The following ZNF407 variants were observed in gnomAD, a reference collection of about 807,000 sequenced individuals.
ZNF407 encodes the protein zinc finger protein 407.
A neutral mutation model predicts 131.2 loss-of-function variants in ZNF407; 17 were observed. The observed-to-expected ratio is 0.13, with a 90% CI of 0.09 to 0.19. The LOEUF (loss-of-function observed/expected upper bound fraction) is 0.19, where lower values mean the gene tolerates loss of function less well. Ranked by LOEUF, ZNF407 falls within the 10% of genes least tolerant of loss-of-function variation. The pLI, the probability that ZNF407 is intolerant of heterozygous loss-of-function variation, is 1.00. For synonymous variants in ZNF407, 1,156 were observed against 1,062.0 expected, an observed-to-expected ratio of 1.09 and a Z score of -1.72; for missense variants, 2,681 against 2,830.6, an observed-to-expected ratio of 0.95 and a Z score of 1.20.
chr18:74,964,580 G>GTTTTTTT (rs35373107), intron 8 of ZNF407, among the ~76,000 whole-genome samples: 1 of 118,614 alleles, frequency 8.4e-6, no homozygotes, highest in Non-Finnish European at 1.8e-5. Flanking sequence ...TATCATCCGG[G>GTTTTTTT]TTTTTTTTTT....
chr18:74,887,764 A>G (rs1366377114), intron 6 of ZNF407, among the ~76,000 whole-genome samples: 1 of 152,104 alleles, frequency 6.6e-6, no homozygotes, highest in African/African-American at 2.4e-5. Flanking sequence ...AATCCTCACA[A>G]TCACCCTGCA....
chr18:75,060,507 C>CTA (rs1973615337), intron 8 of ZNF407, among the ~76,000 whole-genome samples: 1 of 124,464 alleles, frequency 8.0e-6, no homozygotes. Context: ...TTCTTTTTTT[C>CTA]TTTTTTTTTT....
chr18:74,754,806 TGAG>T (rs748571108), intron 3 of ZNF407, among the ~76,000 whole-genome samples: 17 of 152,362 alleles, frequency 1.1e-4, no homozygotes, highest in Non-Finnish European at 2.1e-4. Context: ...GATGTGATGC[TGAG>T]AAGAATGTAT....
chr18:75,023,217 C>T (rs1320550221), intron 8 of ZNF407, among the ~76,000 whole-genome samples: 2 of 152,130 alleles, frequency 1.3e-5, no homozygotes, highest in African/African-American at 4.8e-5. Context: ...ATAGCTACTA[C>T]ATACTGGGCT....
intron 8 of ZNF407, among the ~76,000 whole-genome samples, chr18:75,006,926 A>T (rs1484423689): frequency 6.6e-6 from 1 of 152,050 alleles, no homozygotes; most frequent in Non-Finnish European, 1.5e-5. Context: ...CTTTTTATCA[A>T]TATGAAGTGA....
At chr18:74,649,508 C>A (rs1422218863) in intron 3 of ZNF407, among the ~76,000 whole-genome samples, 2 of 152,172 alleles carry the variant, frequency 1.3e-5, no homozygotes, top group Non-Finnish European at 2.9e-5. Flanking sequence ...TTGTGCTAGT[C>A]TGAAAAATTG....
rs150240927 is a variant in ZNF407, at chr18:74,797,480, A to C, written c.4877+15978A>C. 2.7e-3 allele frequency among the ~76,000 whole-genome samples: 407 copies of C among 152,356 alleles called. 4 individuals are homozygous for C. The highest frequency in any genetic ancestry group is 9.2e-3 in the African/African-American group (384 of 41,588). On this transcript the variant is annotated intron_variant, in intron 4 of 8. Coordinates refer to ENST00000299687, the MANE Select transcript of ZNF407 (RefSeq NM_017757.3). ...AGATGACAGGCTGTCGACAGAGAGA[A>C]TGAAACTGAATCTGAAAATCTTATA...
intron 8 of ZNF407, among the ~76,000 whole-genome samples, chr18:74,966,851 G>A (rs547833159): frequency 5.3e-5 from 8 of 152,116 alleles, no homozygotes. Context: ...GTGTCTTAAA[G>A]TATTCATTAT....
At chr18:74,968,272 G>A (rs1172389154) in intron 8 of ZNF407, among the ~76,000 whole-genome samples, 2 of 152,078 alleles carry the variant, frequency 1.3e-5, no homozygotes, top group African/African-American at 4.8e-5. Flanking sequence ...TCCATTTAGG[G>A]ACCTTAACTT....
intron 3 of ZNF407, among the ~76,000 whole-genome samples, chr18:74,645,902 G>A (rs1402291564): frequency 6.6e-6 from 1 of 152,114 alleles, no homozygotes; most frequent in Non-Finnish European, 1.5e-5. Flanking sequence ...ACGTGCATTA[G>A]CAACTTCATT....
chr18:74,708,249 A>G (rs540674818), intron 3 of ZNF407, among the ~76,000 whole-genome samples: 12 of 152,346 alleles, frequency 7.9e-5, no homozygotes, highest in African/African-American at 2.4e-4. Context: ...TTAAATTTAT[A>G]TGCCAACAAA....
chr18:74,947,221 C>G (rs1343780723), intron 8 of ZNF407, among the ~76,000 whole-genome samples: 1 of 152,118 alleles, frequency 6.6e-6, no homozygotes, highest in African/African-American at 2.4e-5. Flanking sequence ...TAACAAGGCT[C>G]TTTTATGTAG....
chr18:74,673,589 T>C (rs981910167), intron 3 of ZNF407, among the ~76,000 whole-genome samples: 1 of 152,220 alleles, frequency 6.6e-6, no homozygotes, highest in African/African-American at 2.4e-5. Context: ...GATACTGTGA[T>C]GTGGACATCT....
intron 8 of ZNF407, among the ~76,000 whole-genome samples, chr18:74,975,953 G>T (rs895632528): frequency 5.3e-5 from 8 of 152,112 alleles, no homozygotes; most frequent in Non-Finnish European, 8.8e-5. Context: ...CCAATTTATT[G>T]TCTCTCGTTC....
intron 3 of ZNF407, among the ~76,000 whole-genome samples, chr18:74,673,003 A>G (rs772962844): frequency 1.3e-5 from 2 of 152,148 alleles, no homozygotes; most frequent in Non-Finnish European, 2.9e-5. Flanking sequence ...TTCTGCATGC[A>G]TTGGAAGAGA....
chr18:74,955,497 C>T (rs1449062359), intron 8 of ZNF407, among the ~76,000 whole-genome samples: 2 of 152,136 alleles, frequency 1.3e-5, no homozygotes, highest in African/African-American at 4.8e-5. Context: ...TGGCGCTGGG[C>T]TAGCCTTGGT....
intron 4 of ZNF407, among the ~76,000 whole-genome samples, chr18:74,793,814 G>T (rs1440741664): frequency 6.6e-6 from 1 of 152,136 alleles, no homozygotes; most frequent in Non-Finnish European, 1.5e-5. Context: ...TTCCCGGGAG[G>T]AAAGACCTTC....
At chr18:74,717,015 GTGT>G (rs1306096747) in intron 3 of ZNF407, among the ~76,000 whole-genome samples, 3 of 152,146 alleles carry the variant, frequency 2.0e-5, no homozygotes, top group African/African-American at 4.8e-5. Flanking sequence ...GGTATAGTAT[GTGT>G]TGTTATTAGT....
chr18:74,936,609 T>G (rs941294119), intron 8 of ZNF407, among the ~76,000 whole-genome samples: 3 of 152,158 alleles, frequency 2.0e-5, no homozygotes, highest in Non-Finnish European at 4.4e-5. Flanking sequence ...GTATGGCTAG[T>G]TCCTTCTCTT....
Sources: gnomAD v4.1 joint callset for allele counts (sites outside exome capture counted in the v4.1 genomes callset) on GRCh38, gnomAD v4.1.1 for gene constraint, MANE v1.5 for transcripts, NCBI Gene and HGNC (gene_info 2026-07-23, HGNC 2026-07-21) for gene names.